ZNF577: variants seen among roughly 807,000 people sequenced by gnomAD.
The protein encoded by ZNF577 is zinc finger protein 577.
Under a neutral mutation model 13.9 loss-of-function variants are expected in ZNF577, and 14 were observed. The ratio of observed to expected loss-of-function variants is 1.00; its 90% CI spans 0.66 to 1.57. The LOEUF is 1.57. Ranked by LOEUF, ZNF577 falls within the 40% of genes most tolerant of loss-of-function variation. The pLI is 0.00. For missense variants in ZNF577, 555 were observed against 579.2 expected (o/e 0.96, Z 0.43); for synonymous variants, 203 against 202.9 (o/e 1.00, Z 0.00).
intron 5 of ZNF577, among the ~76,000 whole-genome samples, chr19:51,851,076 A>G (rs1359307739): frequency 1.3e-5 from 2 of 152,218 alleles, no homozygotes; most frequent in African/African-American, 4.8e-5. Context: ...GATTTAGGAT[A>G]TACATTTAGA....
At chr19:51,848,259 G>A (rs187522565) in intron 5 of ZNF577, among the ~76,000 whole-genome samples, 29 of 152,110 alleles carry the variant, frequency 1.9e-4, no homozygotes, top group South Asian at 4.1e-4. Context: ...AAATGGCTGC[G>A]CCCACGCTGC....
In ZNF577 at chr19:51,880,326, C is replaced by T; in HGVS notation, c.57G>A (p.Gly19=). The T allele has an allele frequency of 6.2e-7, 1 of 1,614,060 alleles. No individual in the cohort carries two copies. Among genetic ancestry groups the T allele is most frequent in the Non-Finnish European group, 8.5e-7 (1 of 1,179,986 alleles). The change falls in exon 3 of 6, where the codon GGG becomes GGA. Residue 19 remains glycine (G), a synonymous_variant. Coordinates refer to ENST00000638348, the MANE Select transcript of ZNF577 (RefSeq NM_001370449.1). The stretch of plus-strand genomic sequence containing the variant: ...CTCACAGCAATGACAAATTTACCTC[C>T]CCTGAAGAACTGCCTTGCTCTCTCC... ...SVRREQGSSS[G]EGSLSFEDVA...
intron 5 of ZNF577, among the ~76,000 whole-genome samples, chr19:51,857,410 GAA>G (rs796368637): frequency 0.011 from 1,374 of 119,832 alleles, 25 homozygotes; most frequent in Non-Finnish European, 0.017. Flanking sequence ...AAGAAAGAAA[GAA>G]AGAAAGAAAG....
At chr19:51,862,609 G>A (rs890646084), downstream of ZNF577, 2 of 152,430 alleles carry the variant, frequency 1.3e-5, no homozygotes, top group Admixed American at 6.6e-5. Flanking sequence ...AATGAGGTTC[G>A]ACTTCCAAGG....
chr19:51,829,791 A>G (rs1172892164), intron 9 of ZNF577, among the ~76,000 whole-genome samples: 1 of 152,122 alleles, frequency 6.6e-6, no homozygotes, highest in Non-Finnish European at 1.5e-5. Flanking sequence ...CCCCTTGGCA[A>G]TTTTCAAGAG....
Position 51,824,245 on chromosome 19 carries a change from C to A in ZNF577, c.*600-12571G>T. The A allele has an allele frequency of 6.2e-7, 1 of 1,614,168 alleles. No individual in the cohort carries two copies. Among genetic ancestry groups the A allele is most frequent in the South Asian group, 1.1e-5 (1 of 91,084 alleles). ...TTACCAAATTTCATCTTCTGGACTA[C>A]AATAAGTACTACGAATGGGGACACA... On this transcript the variant is annotated intron_variant and NMD_transcript_variant, in intron 9 of 10. Transcript: ENST00000638827. This position sits in a 1 kb window ranked among gnomAD's most constrained non-coding sequence, Gnocchi z 4.7.
chr19:51,857,430 A>G (rs903526216), intron 5 of ZNF577, among the ~76,000 whole-genome samples: 10 of 141,300 alleles, frequency 7.1e-5, no homozygotes, highest in African/African-American at 2.4e-4. Context: ...AAGAAAGAAA[A>G]GAAAAAACAA....
intron 5 of ZNF577, among the ~76,000 whole-genome samples, chr19:51,875,452 G>A (rs1433376498): frequency 6.6e-6 from 1 of 151,746 alleles, no homozygotes; most frequent in African/African-American, 2.4e-5. Flanking sequence ...AGAGCCGACA[G>A]CGAAAGAGGG....
intron 10 of ZNF577, among the ~76,000 whole-genome samples, chr19:51,806,202 C>A (rs962516144): frequency 1.8e-4 from 27 of 152,274 alleles, no homozygotes; most frequent in African/African-American, 6.0e-4. Context: ...TGGCTCGTAC[C>A]GGAGGGACTG....
intron 9 of ZNF577, among the ~76,000 whole-genome samples, chr19:51,817,062 T>A (rs577944168): frequency 2.1e-4 from 32 of 152,136 alleles, no homozygotes; most frequent in Non-Finnish European, 4.1e-4. Flanking sequence ...TGAACTCCAG[T>A]CTCCCACAGA....
chr19:51,838,384 T>C (rs950495979), intron 9 of ZNF577, among the ~76,000 whole-genome samples: 4 of 151,706 alleles, frequency 2.6e-5, no homozygotes, highest in African/African-American at 9.7e-5. Flanking sequence ...TATCAAACAT[T>C]ACCTTTATTA....
chr19:51,848,361 C>G (rs774054831), intron 5 of ZNF577, among the ~76,000 whole-genome samples: 2 of 152,168 alleles, frequency 1.3e-5, no homozygotes, highest in Non-Finnish European at 2.9e-5. Context: ...GAAGCTTGTA[C>G]AGCTAAGACG....
chr19:51,880,374 A>G lies in ZNF577; in HGVS notation c.9T>C (p.Asn3=). 6.2e-6 allele frequency: 10 copies of G among 1,614,062 alleles called. No individual in the cohort carries two copies. Among genetic ancestry groups the G allele is most frequent in the Non-Finnish European group, 6.8e-6 (8 of 1,180,008 alleles). The change falls in exon 3 of 6, where the codon AAT becomes AAC. Residue 3 remains asparagine (N), a synonymous_variant. Transcript: ENST00000638348. MK[N]ATIVMSVRRE... is the part of the protein sequence containing the mutation. The stretch of plus-strand genomic sequence containing the variant: ...TCCTCACAGACATTACAATCGTGGC[A>G]TTTTTCATGTGTTTCCTGTTATTTC...
rs1231365662 is a variant in ZNF577 at position 51,872,606 on chromosome 19, G to A, written c.1384C>T (p.Leu462Phe). Residue 462 changes from leucine (L) to phenylalanine (F), a missense_variant, in exon 6 of 6, where the codon CTC becomes TTC. Leu to Phe is a conservative substitution (Grantham distance 22). Transcript: ENST00000638348. Reference sequence around the variant, plus strand: ...GGGGCCACATTCACTTCATTTGTGAGGCTTATTCTCTGTTCAAATTCCTGA... The same window carrying A: ...GGGGCCACATTCACTTCATTTGTGAAGCTTATTCTCTGTTCAAATTCCTGA... Reference protein sequence around the residue: ...VNQEFEQRISLTNEVNVAPSV... With the variant: ...VNQEFEQRISFTNEVNVAPSV... 6.2e-7 allele frequency: 1 copy of A among 1,613,982 alleles called. No homozygotes were observed. Among genetic ancestry groups the A allele is most frequent in the Middle Eastern group, 1.6e-4 (1 of 6,062 alleles).
exon 6 of ZNF577, chr19:51,844,929 C>T (rs1484643339): frequency 1.3e-5 from 2 of 152,100 alleles, no homozygotes; most frequent in Admixed American, 1.3e-4. Context: ...AAGAAGTCAG[C>T]ATCTATGAAT....
chr19:51,863,161 G>A (rs920801872), downstream of ZNF577: 2 of 152,160 alleles, frequency 1.3e-5, no homozygotes, highest in African/African-American at 4.8e-5. Context: ...AGATTCCTGG[G>A]ATTTGTTTCC....
chr19:51,852,379 GAGTGTGGCTCATGCTCAATAGC>G, intron 5 of ZNF577, among the ~76,000 whole-genome samples: 1 of 152,316 alleles, frequency 6.6e-6, no homozygotes, highest in Non-Finnish European at 1.5e-5. Flanking sequence ...AAGTTGCAAG[GAGTGTGGCTCATGCTCAATAGC>G]ATTTCCGTGA....
chr19:51,877,086 A>T (rs1178780762), intron 5 of ZNF577, among the ~76,000 whole-genome samples, 196 bp downstream of exon 5: 2 of 152,208 alleles, frequency 1.3e-5, no homozygotes, highest in African/African-American at 4.8e-5. Flanking sequence ...TCCAGAAAAT[A>T]GAAGAAAGGA....
intron 9 of ZNF577, among the ~76,000 whole-genome samples, chr19:51,821,479 C>T (rs536678008): frequency 2.6e-4 from 39 of 152,240 alleles, no homozygotes; most frequent in Non-Finnish European, 4.9e-4. Flanking sequence ...TCCCCCACAA[C>T]AAAGAATTAC....
Sources: gnomAD v4.1 joint callset for allele counts (sites outside exome capture counted in the v4.1 genomes callset) on GRCh38, gnomAD v4.1.1 for gene constraint, Gnocchi (gnomAD v3.1) non-coding constraint, MANE v1.5 for transcripts, NCBI Gene and HGNC (gene_info 2026-07-23, HGNC 2026-07-21) for gene names.